The following PDE1A variants were observed in gnomAD, a reference collection of about 807,000 sequenced individuals.
PDE1A encodes phosphodiesterase 1A, also known as dual specificity calcium/calmodulin-dependent 3',5'-cyclic nucleotide phosphodiesterase 1A.
Under a neutral mutation model 61.7 loss-of-function variants are expected in PDE1A, and 35 were observed. The observed-to-expected ratio is 0.57, with a 90% CI of 0.43 to 0.75. The LOEUF is 0.75. PDE1A is among the 30% of genes least tolerant of loss of function. The pLI is 0.00. For missense variants in PDE1A, 597 were observed against 630.6 expected, an observed-to-expected ratio of 0.95 and a Z score of 0.57; for synonymous variants, 232 against 213.2, an observed-to-expected ratio of 1.09 and a Z score of -0.77.
At chr2:182,601,685 G>A in the PDE1A span, among the ~76,000 whole-genome samples, 2 of 152,152 alleles carry the variant, frequency 1.3e-5, no homozygotes, top group African/African-American at 2.4e-5. Flanking sequence ...ATGTTCCAAC[G>A]AGTGTTCAGC....
the PDE1A span, among the ~76,000 whole-genome samples, chr2:182,617,451 C>G: frequency 2.0e-5 from 3 of 152,204 alleles, no homozygotes. Context: ...TGATTTGAAT[C>G]TATATCCTTT....
At chr2:182,443,737 CTT>C (rs1327336224) in intron 2 of PDE1A, among the ~76,000 whole-genome samples, 2 of 127,826 alleles carry the variant, frequency 1.6e-5, no homozygotes, top group African/African-American at 6.2e-5. Context: ...GAATTTCACT[CTT>C]GTTGCCCAGG....
At chr2:182,206,951 C>A (rs1479383808) in intron 7 of PDE1A, among the ~76,000 whole-genome samples, 1 of 152,136 alleles carries the variant, frequency 6.6e-6, no homozygotes, top group Non-Finnish European at 1.5e-5. Context: ...CCTGGATGGC[C>A]TGTGGAACTG....
chr2:182,413,440 A>G (rs994886306), intron 1 of PDE1A, among the ~76,000 whole-genome samples: 1 of 152,214 alleles, frequency 6.6e-6, no homozygotes, highest in Non-Finnish European at 1.5e-5. Flanking sequence ...TGTTCTAAGG[A>G]CATAAATGAA....
intron 6 of PDE1A, among the ~76,000 whole-genome samples, chr2:182,226,683 C>T (rs16822892): frequency 0.15 from 22,271 of 149,522 alleles, 2,331 homozygotes; most frequent in East Asian, 0.31. Flanking sequence ...AACTACAGCA[C>T]TGGTCAATAC....
chr2:182,302,248 C>T lies in PDE1A; in HGVS notation c.54-37834G>A, dbSNP rs1435829509. On this transcript the variant is annotated intron_variant, in intron 1 of 13. Coordinates refer to ENST00000351439, the Ensembl canonical transcript of PDE1A. ...TCTGGCTATTGAAGCCTCTTCTGCC[C>T]TTGCACATGGTAAGATAGATTGCAA... is the stretch of plus-strand genomic sequence containing the variant. 5.9e-5 allele frequency among the ~76,000 whole-genome samples: 9 copies of T among 152,278 alleles called. No homozygotes were observed. In the South Asian group the frequency reaches 1.5e-3, roughly 25 times the overall value.
At chr2:182,363,843 A>G (rs1238452979) in intron 1 of PDE1A, among the ~76,000 whole-genome samples, 1 of 152,050 alleles carries the variant, frequency 6.6e-6, no homozygotes, top group Non-Finnish European at 1.5e-5. Flanking sequence ...TAGTCTCAAT[A>G]AAAGATGTGT....
the PDE1A span, among the ~76,000 whole-genome samples, chr2:182,698,291 A>C: frequency 6.6e-6 from 1 of 152,174 alleles, no homozygotes; most frequent in Admixed American, 6.6e-5. Flanking sequence ...TCCTGCAGGA[A>C]TCTATCTTAG....
At chr2:182,304,750 A>C (rs1695469685) in intron 1 of PDE1A, among the ~76,000 whole-genome samples, 1 of 152,220 alleles carries the variant, frequency 6.6e-6, no homozygotes. Flanking sequence ...TGAGTTGGCC[A>C]TCTTATATGG....
At chr2:182,662,339 A>G in the PDE1A span, among the ~76,000 whole-genome samples, 260 of 74,734 alleles carry the variant, frequency 3.5e-3, no homozygotes, top group African/African-American at 0.014. Flanking sequence ...TGAAAAAAAA[A>G]AGAAAAAAAA....
the PDE1A span, among the ~76,000 whole-genome samples, chr2:182,711,529 G>A: frequency 2.0e-5 from 3 of 151,666 alleles, no homozygotes; most frequent in Admixed American, 6.6e-5. Context: ...TTTGTCCACC[G>A]AGAAGACCTG....
At chr2:182,507,414 G>T (rs1338855739) in intron 2 of PDE1A, among the ~76,000 whole-genome samples, 1 of 152,162 alleles carries the variant, frequency 6.6e-6, no homozygotes, top group East Asian at 1.9e-4. Context: ...GTTTAGAGGG[G>T]CCTCAGCTGG....
At chr2:182,533,496 A>G in the PDE1A span, among the ~76,000 whole-genome samples, 1 of 152,178 alleles carries the variant, frequency 6.6e-6, no homozygotes, top group Non-Finnish European at 1.5e-5. Context: ...GAGGATGAGA[A>G]GTGGAGGGAA....
chr2:182,478,177 T>C (rs1274986246), intron 2 of PDE1A, among the ~76,000 whole-genome samples: 1 of 151,856 alleles, frequency 6.6e-6, no homozygotes, highest in East Asian at 1.9e-4. Context: ...ATTTTGAAAA[T>C]AAACAGGTAA....
chr2:182,426,510 T>A (rs1050093133), intron 1 of PDE1A, 68 bp downstream of exon 1: 46 of 1,131,330 alleles, frequency 4.1e-5, no homozygotes, highest in Admixed American at 6.8e-5. Flanking sequence ...AATCCCCAAA[T>A]TAAGGATGAA....
intron 1 of PDE1A, among the ~76,000 whole-genome samples, chr2:182,319,807 C>T (rs1428409530): frequency 6.6e-6 from 1 of 152,144 alleles, no homozygotes; most frequent in Non-Finnish European, 1.5e-5. Flanking sequence ...AGATGATACA[C>T]ATTATTTAAT....
At chr2:182,573,659 T>C in the PDE1A span, among the ~76,000 whole-genome samples, 1 of 151,888 alleles carries the variant, frequency 6.6e-6, no homozygotes, top group Non-Finnish European at 1.5e-5. Flanking sequence ...AGTAATTTCT[T>C]AGTTATAATG....
Position 182,206,078 on chromosome 2 carries a change from A to G in PDE1A, c.777-13T>C. The G allele has an allele frequency of 6.3e-7, 1 of 1,598,146 alleles. No individual in the cohort carries two copies. On this transcript the variant is annotated splice_polypyrimidine_tract_variant and intron_variant, in intron 7 of 13. Transcript: ENST00000351439. ...GGCAACATCTGACCTAAGAATTAAA[A>G]ACAAAATGCCCAACAGAGGATTTCT...
chr2:182,497,571 A>G (rs576692329), intron 2 of PDE1A, among the ~76,000 whole-genome samples: 2 of 152,316 alleles, frequency 1.3e-5, no homozygotes, highest in African/African-American at 4.8e-5. Context: ...AATAAGTAAA[A>G]ACTACATAAT....
Sources: allele counts gnomAD v4.1 joint callset (sites outside exome capture counted in the v4.1 genomes callset), GRCh38; gene constraint gnomAD v4.1.1; transcripts MANE v1.5; gene names NCBI Gene and HGNC (gene_info 2026-07-23, HGNC 2026-07-21).